The following TGFBR2 variants were observed in gnomAD, a reference collection of about 807,000 sequenced individuals.
TGFBR2 encodes transforming growth factor beta receptor 2, also known as TGF-beta receptor type-2.
TGFBR2 carries 18 observed loss-of-function variants against 49.0 expected under a neutral mutation model. The observed-to-expected ratio is 0.37, with a 90% CI of 0.25 to 0.54. The LOEUF is 0.54. Ranked by LOEUF, TGFBR2 falls within the 20% of genes least tolerant of loss-of-function variation. The pLI, the probability that TGFBR2 is intolerant of heterozygous loss-of-function variation, is 0.85. For missense variants in TGFBR2, 525 were observed against 722.6 expected, an observed-to-expected ratio of 0.73 and a Z score of 3.13; for synonymous variants, 282 against 275.9, an observed-to-expected ratio of 1.02 and a Z score of -0.22.
intron 3 of TGFBR2, among the ~76,000 whole-genome samples, chr3:30,671,127 C>T (rs980538430): frequency 1.3e-5 from 2 of 152,150 alleles, no homozygotes; most frequent in African/African-American, 4.8e-5. Flanking sequence ...AGATAACACT[C>T]AGTAAATGGT....
chr3:30,665,998 G>A (rs1202164898), intron 3 of TGFBR2, among the ~76,000 whole-genome samples: 15 of 152,130 alleles, frequency 9.9e-5, no homozygotes, highest in Admixed American at 9.8e-4. Context: ...ATGTCTAAAT[G>A]GTGAGCGTAA....
intron 6 of TGFBR2, among the ~76,000 whole-genome samples, chr3:30,689,414 C>G (rs1699677100): frequency 6.6e-6 from 1 of 152,180 alleles, no homozygotes; most frequent in African/African-American, 2.4e-5. Context: ...CCTTTTATTG[C>G]CTCTTTTGGA....
intron 3 of TGFBR2, among the ~76,000 whole-genome samples, chr3:30,666,054 G>A (rs940835897): frequency 3.3e-5 from 5 of 152,136 alleles, no homozygotes; most frequent in Admixed American, 1.3e-4. Flanking sequence ...AGGTACAGCT[G>A]ATACTAGGAA....
chr3:30,610,165 C>A (rs1246785754), intron 1 of TGFBR2, among the ~76,000 whole-genome samples: 1 of 152,138 alleles, frequency 6.6e-6, no homozygotes, highest in Non-Finnish European at 1.5e-5. Flanking sequence ...ACCTGGGATA[C>A]CATCTCAGAT....
chr3:30,648,784 G>A (rs1698824601), intron 2 of TGFBR2, among the ~76,000 whole-genome samples: 4 of 152,074 alleles, frequency 2.6e-5, no homozygotes, highest in Admixed American at 2.6e-4. Flanking sequence ...TCAACTCTGG[G>A]CTGCATGGAT....
At chr3:30,637,511 G>T (rs1480560846) in intron 1 of TGFBR2, among the ~76,000 whole-genome samples, 1 of 152,204 alleles carries the variant, frequency 6.6e-6, no homozygotes, top group Admixed American at 6.5e-5. Flanking sequence ...AAGAGAGCCG[G>T]TTGATGTAGT....
At chr3:30,689,089 T>A (rs1699669793) in intron 6 of TGFBR2, among the ~76,000 whole-genome samples, 1 of 152,182 alleles carries the variant, frequency 6.6e-6, no homozygotes, top group Non-Finnish European at 1.5e-5. Flanking sequence ...AAGAGGAGAA[T>A]GCCCTGGAAG....
At chr3:30,613,499 G>C (rs565819820) in intron 1 of TGFBR2, among the ~76,000 whole-genome samples, 2 of 150,546 alleles carry the variant, frequency 1.3e-5, no homozygotes, top group Non-Finnish European at 2.9e-5. Flanking sequence ...TTAAGGGATA[G>C]CTCTGTGTGT....
chr3:30,621,309 T>C (rs1698226712), intron 1 of TGFBR2, among the ~76,000 whole-genome samples: 1 of 138,138 alleles, frequency 7.2e-6, no homozygotes, highest in East Asian at 2.1e-4. Context: ...AGACAGAGTT[T>C]TGTTCTTCTC....
chr3:30,649,920 G>C (rs1698847673), intron 2 of TGFBR2, among the ~76,000 whole-genome samples: 1 of 152,088 alleles, frequency 6.6e-6, no homozygotes, highest in South Asian at 2.1e-4. Flanking sequence ...GAGTACCTAG[G>C]AATGTTCTTT....
chr3:30,671,550 CTA>C, intron 3 of TGFBR2, 86 bp from the exon 4 acceptor site: 3 of 1,331,328 alleles, frequency 2.3e-6, no homozygotes, highest in Non-Finnish European at 3.2e-6. Context: ...ATGCTAAAAT[CTA>C]TAGATGCTCA....
At chr3:30,687,199 G>A (rs900306445) in intron 5 of TGFBR2, among the ~76,000 whole-genome samples, 43 of 152,184 alleles carry the variant, frequency 2.8e-4, no homozygotes, top group Admixed American at 1.4e-3. Context: ...TGAGGCCCCG[G>A]TGAAGGGTTA....
intron 5 of TGFBR2, among the ~76,000 whole-genome samples, chr3:30,684,955 C>T (rs1203310482): frequency 6.6e-6 from 1 of 152,096 alleles, no homozygotes; most frequent in Non-Finnish European, 1.5e-5. Context: ...GTGTTTGTAA[C>T]TAGGAAGATT....
intron 1 of TGFBR2, among the ~76,000 whole-genome samples, chr3:30,626,007 C>A (rs545030332): frequency 6.6e-6 from 1 of 152,330 alleles, no homozygotes; most frequent in African/African-American, 2.4e-5. Context: ...CTGCGAACTT[C>A]TAAAAGAATT....
At chr3:30,614,281 A>C (rs1417149536) in intron 1 of TGFBR2, among the ~76,000 whole-genome samples, 1 of 152,050 alleles carries the variant, frequency 6.6e-6, no homozygotes, top group Admixed American at 6.6e-5. Flanking sequence ...AAGCCTCTTT[A>C]AAGAAAACAA....
intron 5 of TGFBR2, among the ~76,000 whole-genome samples, chr3:30,682,177 C>T (rs941941664): frequency 1.4e-4 from 22 of 152,198 alleles, no homozygotes; most frequent in African/African-American, 4.8e-4. Flanking sequence ...GGTGGCGGTG[C>T]AGCTGGCCCT....
At chr3:30,649,078 A>G (rs1486825538) in intron 2 of TGFBR2, among the ~76,000 whole-genome samples, 1 of 152,132 alleles carries the variant, frequency 6.6e-6, no homozygotes, top group African/African-American at 2.4e-5. Context: ...GAGTGAGTAC[A>G]TGCATGCATT....
At chr3:30,659,036 G>A (rs1699059940) in intron 3 of TGFBR2, among the ~76,000 whole-genome samples, 1 of 152,178 alleles carries the variant, frequency 6.6e-6, no homozygotes, top group Admixed American at 6.5e-5. Flanking sequence ...CCAGGGAGCT[G>A]GCTTCTTGGG....
At position 30,606,675 on chromosome 3, in the gene TGFBR2, C is replaced by T. The variant is rs1377775146; in HGVS notation, c.-209C>T. The T allele has an allele frequency of 5.3e-6, 2 of 379,588 alleles. No homozygotes were observed. 23.5% of individuals were successfully genotyped at this position (379,588 alleles called of 1,614,324 possible). A position where few individuals can be genotyped will look rare whatever the true frequency, so the allele number is the denominator to read the frequency against. On this transcript the variant is annotated 5_prime_UTR_variant, in exon 1 of 7. Coordinates refer to ENST00000295754, the MANE Select transcript of TGFBR2 (RefSeq NM_003242.6). ...CAGGAGCCGGACTCCTGTGCAGCTTCCCTCGGCCGCCGGGGGCCTCCCCGC... is the reference window on the plus strand; with the variant it reads ...CAGGAGCCGGACTCCTGTGCAGCTTTCCTCGGCCGCCGGGGGCCTCCCCGC...
Sources: allele counts gnomAD v4.1 joint callset (sites outside exome capture counted in the v4.1 genomes callset), GRCh38; gene constraint gnomAD v4.1.1; transcripts MANE v1.5; gene names NCBI Gene and HGNC (gene_info 2026-07-23, HGNC 2026-07-21).